QTRT2: variants seen among roughly 807,000 people sequenced by gnomAD.
QTRT2 encodes queuine tRNA-ribosyltransferase accessory subunit 2.
Under a neutral mutation model 44.8 loss-of-function variants are expected in QTRT2, and 32 were observed. The observed-to-expected ratio is 0.71, with a 90% CI of 0.54 to 0.96. The LOEUF (loss-of-function observed/expected upper bound fraction) is 0.96. Ranked by LOEUF, QTRT2 falls within the 40% of genes least tolerant of loss-of-function variation. QTRT2 has a pLI of 0.00. For synonymous variants in QTRT2, 182 were observed against 187.4 expected (o/e 0.97, Z 0.24); for missense variants, 461 against 503.1 (o/e 0.92, Z 0.80).
intron 2 of QTRT2, among the ~76,000 whole-genome samples, chr3:114,062,293 T>C (rs950536212): frequency 7.0e-6 from 1 of 141,910 alleles, no homozygotes; most frequent in Non-Finnish European, 1.5e-5. Flanking sequence ...TACTTGAGCC[T>C]GGGATGTCAA....
At chr3:114,066,142 G>C in intron 3 of QTRT2, 86 bp from the exon 4 acceptor site, 1 of 889,586 alleles carries the variant, frequency 1.1e-6, no homozygotes, top group Middle Eastern at 2.7e-4. Context: ...TAACTTATTT[G>C]GGTGAGGAGA....
At chr3:114,073,367 G>T (rs543313261) in intron 6 of QTRT2, among the ~76,000 whole-genome samples, 17 of 152,068 alleles carry the variant, frequency 1.1e-4, no homozygotes, top group African/African-American at 3.1e-4. Context: ...ATTTGTGGGG[G>T]TTTTTTTGTT....
chr3:114,083,837 C>T (rs1186361014), intron 9 of QTRT2, among the ~76,000 whole-genome samples: 1 of 151,794 alleles, frequency 6.6e-6, no homozygotes, highest in African/African-American at 2.4e-5. Flanking sequence ...TTTCTTTTAC[C>T]CTTTTTTTTC....
chr3:114,079,782 A>G, intron 7 of QTRT2, 124 bp from the exon 8 acceptor site: 1 of 883,568 alleles, frequency 1.1e-6, no homozygotes, highest in Non-Finnish European at 1.8e-6. Flanking sequence ...ACTGCCTGCC[A>G]CTCTAACCAT....
At chr3:114,063,395 T>C (rs1285551099) in intron 2 of QTRT2, among the ~76,000 whole-genome samples, 1 of 152,236 alleles carries the variant, frequency 6.6e-6, no homozygotes, top group African/African-American at 2.4e-5. Context: ...AGTATGCTTT[T>C]ATTAGCTTAT....
intron 7 of QTRT2, chr3:114,078,673 T>G (rs939446391): frequency 6.6e-6 from 1 of 152,222 alleles, no homozygotes; most frequent in Non-Finnish European, 1.5e-5. Context: ...GCTTGAGATT[T>G]TGGATTTTTT....
At chr3:114,083,820 T>G (rs113708084) in intron 9 of QTRT2, among the ~76,000 whole-genome samples, 130 of 152,296 alleles carry the variant, frequency 8.5e-4, no homozygotes, top group African/African-American at 2.9e-3. Context: ...ATAGATTTGT[T>G]TTTGTCTTTC....
Position 114,087,127 on chromosome 3 carries a change from C to T in QTRT2, c.*1223C>T, listed in dbSNP as rs2077246646. The T allele has an allele frequency of 1.3e-5, 2 of 152,190 alleles. No individual in the cohort carries two copies. The highest frequency in any genetic ancestry group is 1.3e-4 in the Admixed American group (2 of 15,276). 9.4% of individuals were successfully genotyped at this position (152,190 alleles called of 1,614,324 possible). A position where few individuals can be genotyped will look rare whatever the true frequency, so the allele number is the denominator to read the frequency against. ...AGGAATACACATACACCCACATGCACACACCATAGTTTTTATACAAACAGC... is the reference window on the plus strand; with the variant it reads ...AGGAATACACATACACCCACATGCATACACCATAGTTTTTATACAAACAGC... On this transcript the variant is annotated 3_prime_UTR_variant, in exon 10 of 10. Coordinates refer to ENST00000281273, the MANE Select transcript of QTRT2 (RefSeq NM_024638.4).
At chr3:114,083,835 A>C (rs1249695909) in intron 9 of QTRT2, among the ~76,000 whole-genome samples, 2 of 151,646 alleles carry the variant, frequency 1.3e-5, no homozygotes, top group African/African-American at 4.8e-5. Context: ...TCTTTCTTTT[A>C]CCCTTTTTTT....
intron 7 of QTRT2, 108 bp from the exon 8 acceptor site, chr3:114,079,798 G>T: frequency 9.8e-7 from 1 of 1,023,086 alleles, no homozygotes. Context: ...ACCATGATTG[G>T]TGTTTTTCAT....
chr3:114,058,100 T>C (rs1161544734), intron 2 of QTRT2, among the ~76,000 whole-genome samples: 1 of 152,218 alleles, frequency 6.6e-6, no homozygotes, highest in East Asian at 1.9e-4. Flanking sequence ...GTATCTATAT[T>C]ATGCATTTGA....
At chr3:114,075,527 G>A (rs1240333208) in intron 6 of QTRT2, among the ~76,000 whole-genome samples, 1 of 44,988 alleles carries the variant, frequency 2.2e-5, no homozygotes, top group Non-Finnish European at 4.4e-5. Flanking sequence ...TTTTTTTTTT[G>A]AGACAGACCC....
chr3:114,060,269 A>C (rs1482392440), intron 2 of QTRT2, among the ~76,000 whole-genome samples: 2 of 152,190 alleles, frequency 1.3e-5, no homozygotes, highest in Non-Finnish European at 2.9e-5. Context: ...GAAACTAAGA[A>C]GTCTTTGAGA....
At chr3:114,066,379 A>T (rs1182349083) in intron 4 of QTRT2, 96 bp downstream of exon 4, 1 of 717,872 alleles carries the variant, frequency 1.4e-6, no homozygotes, top group Non-Finnish European at 2.4e-6. Flanking sequence ...ATGTTTGTTT[A>T]TTCATAAATT....
At chr3:114,066,799 G>C (rs569744158) in intron 4 of QTRT2, among the ~76,000 whole-genome samples, 2 of 152,276 alleles carry the variant, frequency 1.3e-5, no homozygotes, top group East Asian at 3.9e-4. Flanking sequence ...TGACTCAGCG[G>C]TGAGAACTTG....
chr3:114,082,877 A>G (rs1255572396), intron 9 of QTRT2, 83 bp downstream of exon 9: 1 of 679,788 alleles, frequency 1.5e-6, no homozygotes, highest in South Asian at 1.7e-5. Flanking sequence ...ACAATTCTCA[A>G]TTTATGATTT....
At chr3:114,072,540 T>G (rs908371435) in intron 6 of QTRT2, among the ~76,000 whole-genome samples, 1 of 152,236 alleles carries the variant, frequency 6.6e-6, no homozygotes, top group African/African-American at 2.4e-5. Context: ...TTCAATGATT[T>G]CTTTATGCAT....
intron 6 of QTRT2, among the ~76,000 whole-genome samples, chr3:114,072,514 C>T (rs934588372): frequency 6.6e-6 from 1 of 152,144 alleles, no homozygotes; most frequent in Non-Finnish European, 1.5e-5. Context: ...ATATTTTAGC[C>T]CCAATCATAT....
Position 114,068,017 on chromosome 3 carries a change from T to G in QTRT2, c.287T>G (p.Leu96Arg). 6.2e-7 allele frequency: 1 copy of G among 1,613,898 alleles called. No individual in the cohort carries two copies. The highest frequency in any genetic ancestry group is 2.2e-5 in the East Asian group (1 of 44,866). Residue 96 changes from leucine to arginine, a missense_variant, in exon 5 of 10, where the codon CTG (leucine) becomes CGG (arginine). By Grantham distance (102) the Leu-to-Arg change is moderately radical. Coordinates refer to ENST00000281273, the MANE Select transcript of QTRT2 (RefSeq NM_024638.4). ...CCAGAATCACTCTTGTACTGCTCCC[T>G]GCACGATCCAGTCAGCCCCTGCCCG... ...GMPESLLYCS[L>R]HDPVSPCPAG...
Sources: gnomAD v4.1 joint callset for allele counts (sites outside exome capture counted in the v4.1 genomes callset) on GRCh38, gnomAD v4.1.1 for gene constraint, MANE v1.5 for transcripts, NCBI Gene and HGNC (gene_info 2026-07-23, HGNC 2026-07-21) for gene names.